The following TOX variants were observed in gnomAD, a reference collection of about 807,000 sequenced individuals.
The protein encoded by TOX is thymocyte selection associated high mobility group box.
Under a neutral mutation model 53.7 loss-of-function variants are expected in TOX, and 11 were observed. That is an observed-to-expected ratio of 0.20 (90% CI 0.13 to 0.34). The LOEUF (loss-of-function observed/expected upper bound fraction) is 0.34, where lower values mean the gene tolerates loss of function less well. TOX is among the 10% of genes least tolerant of loss of function. The pLI, the probability that TOX is intolerant of heterozygous loss-of-function variation, is 1.00. For missense variants in TOX, 570 were observed against 664.6 expected, an observed-to-expected ratio of 0.86 and a Z score of 1.56; for synonymous variants, 225 against 245.3, an observed-to-expected ratio of 0.92 and a Z score of 0.77.
intron 3 of TOX, among the ~76,000 whole-genome samples, chr8:58,921,567 C>T (rs568294520): frequency 5.3e-5 from 8 of 152,064 alleles, no homozygotes; most frequent in Non-Finnish European, 7.4e-5. Flanking sequence ...CCAAAATGAA[C>T]GTTAATTTTA....
chr8:59,012,861 C>T (rs1271747189), intron 1 of TOX, among the ~76,000 whole-genome samples: 1 of 150,700 alleles, frequency 6.6e-6, no homozygotes, highest in Non-Finnish European at 1.5e-5. Context: ...AGCTGGCCAG[C>T]AGACACCTCC....
intron 3 of TOX, among the ~76,000 whole-genome samples, chr8:58,877,417 T>C (rs796569939): frequency 3.9e-5 from 6 of 152,332 alleles, no homozygotes; most frequent in African/African-American, 1.4e-4. Context: ...AGAGGGAATG[T>C]GTGGTCCCGC....
chr8:58,969,796 G>T (rs1311215372), intron 1 of TOX, among the ~76,000 whole-genome samples: 5 of 151,898 alleles, frequency 3.3e-5, no homozygotes, highest in African/African-American at 1.2e-4. Flanking sequence ...ATCATATGTT[G>T]CCAGAAACAT....
chr8:58,966,905 T>C (rs1001165008), intron 1 of TOX, among the ~76,000 whole-genome samples: 18 of 149,690 alleles, frequency 1.2e-4, no homozygotes, highest in African/African-American at 4.4e-4. Context: ...GATGGAGTCT[T>C]GCTCTGTCGC....
At chr8:58,932,898 T>G (rs1327642453) in intron 3 of TOX, among the ~76,000 whole-genome samples, 1 of 152,102 alleles carries the variant, frequency 6.6e-6, no homozygotes, top group African/African-American at 2.4e-5. Context: ...TAAATCTGAG[T>G]ATATACATTA....
chr8:59,113,452 G>C (rs140523899), intron 1 of TOX, among the ~76,000 whole-genome samples: 1 of 152,260 alleles, frequency 6.6e-6, no homozygotes, highest in African/African-American at 2.4e-5. Flanking sequence ...AGCATAATTT[G>C]GGATTTCAAA....
chr8:58,808,975 A>C (rs1395410278), intron 7 of TOX, among the ~76,000 whole-genome samples: 2 of 152,250 alleles, frequency 1.3e-5, no homozygotes, highest in Admixed American at 1.3e-4. Flanking sequence ...CTTCAGGAAG[A>C]TTCTTCTAAT....
At chr8:58,968,480 A>T (rs11777927) in intron 1 of TOX, among the ~76,000 whole-genome samples, 103,298 of 152,056 alleles carry the variant, frequency 0.68, 36,725 homozygotes, top group Non-Finnish European at 0.78. Context: ...TTTTAGACAA[A>T]TTTTTTCTGA....
chr8:59,086,140 C>T (rs1263241597), intron 1 of TOX, among the ~76,000 whole-genome samples: 1 of 151,926 alleles, frequency 6.6e-6, no homozygotes, highest in Non-Finnish European at 1.5e-5. Context: ...TGTGCGCCAC[C>T]ATGTCCAGCT....
At position 58,836,097 on chromosome 8, in the gene TOX, G is replaced by A. The variant is rs538262251; in HGVS notation, c.924+1984C>T. The stretch of plus-strand genomic sequence containing the variant: ...GTACTGAAGCCAGGTGCATATTCAA[G>A]AACACACAGAGGGCTTACTGGAGGA... On this transcript the variant is annotated intron_variant, in intron 5 of 8. Coordinates refer to ENST00000361421, the MANE Select transcript of TOX (RefSeq NM_014729.3). Among the ~76,000 whole-genome samples, 15 of 152,304 alleles carry A rather than the reference G, an allele frequency of 9.8e-5. No individual in the cohort carries two copies. The South Asian group carries it at 1.2e-3, about 13-fold the overall frequency.
chr8:59,010,906 G>T (rs1054620532), intron 1 of TOX, among the ~76,000 whole-genome samples: 1 of 152,148 alleles, frequency 6.6e-6, no homozygotes, highest in Non-Finnish European at 1.5e-5. Context: ...CAGGTTGCCC[G>T]GTATGTGTGC....
At chr8:58,862,083 C>T (rs994666810) in intron 3 of TOX, among the ~76,000 whole-genome samples, 1 of 152,000 alleles carries the variant, frequency 6.6e-6, no homozygotes, top group African/African-American at 2.4e-5. Context: ...TGGAAATCAT[C>T]CAATAATCCT....
chr8:58,936,850 C>G (rs531240088), intron 3 of TOX, among the ~76,000 whole-genome samples: 1 of 152,278 alleles, frequency 6.6e-6, no homozygotes, highest in African/African-American at 2.4e-5. Flanking sequence ...CCTATACTCT[C>G]TAACACAGTA....
chr8:58,828,141 G>A (rs1810395084), intron 5 of TOX, among the ~76,000 whole-genome samples: 1 of 152,196 alleles, frequency 6.6e-6, no homozygotes, highest in Admixed American at 6.5e-5. Context: ...TCAATTTATG[G>A]TTTCAAATGC....
chr8:58,877,819 T>C (rs1453270855), intron 3 of TOX, among the ~76,000 whole-genome samples: 1 of 151,970 alleles, frequency 6.6e-6, no homozygotes, highest in Non-Finnish European at 1.5e-5. Context: ...CTCTGTTTCA[T>C]TGCAGAAGTA....
At chr8:59,094,803 A>G (rs1185857243) in intron 1 of TOX, among the ~76,000 whole-genome samples, 1 of 152,128 alleles carries the variant, frequency 6.6e-6, no homozygotes, top group Non-Finnish European at 1.5e-5. Context: ...TAAGCCCCCA[A>G]GGAGGTTTAC....
At chr8:59,102,208 A>T (rs1046013984) in intron 1 of TOX, among the ~76,000 whole-genome samples, 1 of 151,358 alleles carries the variant, frequency 6.6e-6, no homozygotes, top group Non-Finnish European at 1.5e-5. Flanking sequence ...GAGAGCTTGT[A>T]CAGAAAAACT....
At position 58,851,902 on chromosome 8, in the gene TOX, T is replaced by C; in HGVS notation, c.412-97A>G. 9.1e-7 allele frequency: 1 copy of C among 1,099,408 alleles called. No individual in the cohort carries two copies. The highest frequency in any genetic ancestry group is 1.1e-6 in the Non-Finnish European group (1 of 871,230). The allele number at this position is 1,099,408 out of a possible 1,614,324, so 68.1% of individuals were successfully genotyped here. A position where few individuals can be genotyped will look rare whatever the true frequency, so the allele number is the denominator to read the frequency against. ...TTTGGGCAAAAAAGTAATAATTCTT[T>C]AGATTTCCAGATGTTCTGCTGAGTT... On this transcript the variant is annotated intron_variant, in intron 3 of 8. Transcript: ENST00000361421. The surrounding 1 kb of genome is among the most constrained non-coding windows in gnomAD (Gnocchi z 4.4).
chr8:58,889,090 T>A (rs186069369), intron 3 of TOX, among the ~76,000 whole-genome samples: 13 of 151,862 alleles, frequency 8.6e-5, no homozygotes, highest in Admixed American at 4.6e-4. Flanking sequence ...CAGAGTACAA[T>A]TTGGCATATC....
Sources: gnomAD v4.1 joint callset for allele counts (sites outside exome capture counted in the v4.1 genomes callset) on GRCh38, gnomAD v4.1.1 for gene constraint, Gnocchi (gnomAD v3.1) non-coding constraint, MANE v1.5 for transcripts, NCBI Gene and HGNC (gene_info 2026-07-23, HGNC 2026-07-21) for gene names.